AKAP6: variants seen among roughly 807,000 people sequenced by gnomAD.
AKAP6 encodes the protein A-kinase anchor protein 6.
A neutral mutation model predicts 188.5 loss-of-function variants in AKAP6; 58 were observed. That is an observed-to-expected ratio of 0.31 (90% confidence interval 0.25 to 0.38). AKAP6 has a LOEUF of 0.38. AKAP6 is among the 10% of genes least tolerant of loss of function. AKAP6 has a pLI of 1.00. For missense variants in AKAP6, 2,710 were observed against 2,740.0 expected (o/e 0.99, Z 0.24); for synonymous variants, 989 against 998.6 (o/e 0.99, Z 0.18).
chr14:32,803,489 A>T (rs1340391665), intron 12 of AKAP6, among the ~76,000 whole-genome samples: 2 of 152,210 alleles, frequency 1.3e-5, no homozygotes, highest in Non-Finnish European at 2.9e-5. Context: ...CGTTTTATAG[A>T]AGAAAAGTTC....
chr14:32,634,187 C>G (rs531445971), intron 7 of AKAP6, among the ~76,000 whole-genome samples: 1 of 152,088 alleles, frequency 6.6e-6, no homozygotes, highest in African/African-American at 2.4e-5. Flanking sequence ...ACAAGTTACT[C>G]AACCTATCTA....
chr14:32,663,393 A>G (rs1362921095), intron 7 of AKAP6, among the ~76,000 whole-genome samples: 1 of 152,080 alleles, frequency 6.6e-6, no homozygotes, highest in East Asian at 1.9e-4. Flanking sequence ...GCTGTGGGTC[A>G]GGAATCTGTG....
intron 5 of AKAP6, among the ~76,000 whole-genome samples, chr14:32,587,883 C>A (rs1025768123): frequency 6.6e-6 from 1 of 151,902 alleles, no homozygotes; most frequent in East Asian, 1.9e-4. Context: ...AACCAGGTAA[C>A]GTGATATTAT....
intron 4 of AKAP6, among the ~76,000 whole-genome samples, chr14:32,571,805 T>C (rs1400548960): frequency 6.6e-6 from 1 of 152,182 alleles, no homozygotes; most frequent in Non-Finnish European, 1.5e-5. Context: ...TCCTCTGTGA[T>C]TAAACTGAGT....
chr14:32,671,981 G>C (rs576476065), intron 7 of AKAP6, among the ~76,000 whole-genome samples: 2 of 152,180 alleles, frequency 1.3e-5, no homozygotes, highest in South Asian at 2.1e-4. Flanking sequence ...TTAATCCTTC[G>C]AGTTGATTAG....
intron 1 of AKAP6, among the ~76,000 whole-genome samples, chr14:32,379,078 C>T (rs926990320): frequency 6.6e-6 from 1 of 152,006 alleles, no homozygotes; most frequent in Non-Finnish European, 1.5e-5. Flanking sequence ...ACCACCACGC[C>T]TGGCTACTTT....
In AKAP6 at chr14:32,577,099, CCTTTT is replaced by C. The variant is rs763431740; in HGVS notation, c.2347-16_2347-12del. The stretch of plus-strand genomic sequence containing the variant: ...ATGCCTTTCTTGCCCCTTTTTTTCC[CCTTTT>C]CTTTCCTTTCACAAGGGGTTTGTAA... On this transcript the variant is annotated splice_polypyrimidine_tract_variant and intron_variant, in intron 4 of 13. Transcript: ENST00000280979. 3.1e-6 allele frequency: 5 copies of C among 1,588,806 alleles called. No individual in the cohort carries two copies. The highest frequency in any genetic ancestry group is 4.3e-6 in the Non-Finnish European group (5 of 1,173,056).
rs546244635 is a variant in AKAP6, at chr14:32,792,720, G to C, written c.3588+18827G>C. 2.0e-5 allele frequency among the ~76,000 whole-genome samples: 3 copies of C among 152,254 alleles called. No homozygotes were observed. In the East Asian group the frequency reaches 5.8e-4, roughly 29 times the overall value. ...CTGGTTTTCAAAGGGAATGCTTCTA[G>C]CTTTTGCCCATTCAATATGATATTG... On this transcript the variant is annotated intron_variant, in intron 12 of 13. Coordinates refer to ENST00000280979, the MANE Select transcript of AKAP6 (RefSeq NM_004274.5).
intron 9 of AKAP6, among the ~76,000 whole-genome samples, chr14:32,703,778 T>C (rs897122492): frequency 3.3e-5 from 5 of 152,232 alleles, no homozygotes; most frequent in African/African-American, 2.4e-5. Flanking sequence ...AATGCTCCTA[T>C]ATTTACTATC....
At chr14:32,746,487 G>A (rs2031915672) in intron 11 of AKAP6, among the ~76,000 whole-genome samples, 1 of 152,120 alleles carries the variant, frequency 6.6e-6, no homozygotes, top group Non-Finnish European at 1.5e-5. Flanking sequence ...TCCTGGAACG[G>A]GGGCCTTAAA....
intron 7 of AKAP6, among the ~76,000 whole-genome samples, chr14:32,639,821 A>G (rs1235654693): frequency 5.3e-5 from 8 of 152,206 alleles, no homozygotes; most frequent in Non-Finnish European, 1.2e-4. Context: ...CTTCAGGCTG[A>G]AAGAGTATTA....
intron 2 of AKAP6, among the ~76,000 whole-genome samples, chr14:32,457,962 T>C (rs985310652): frequency 2.0e-5 from 3 of 152,226 alleles, no homozygotes; most frequent in African/African-American, 7.2e-5. Flanking sequence ...CATCAGACAT[T>C]CTATGGTACA....
intron 9 of AKAP6, among the ~76,000 whole-genome samples, chr14:32,719,834 A>G (rs955685433): frequency 6.6e-6 from 1 of 152,176 alleles, no homozygotes; most frequent in Non-Finnish European, 1.5e-5. Context: ...AGAGAGATCC[A>G]GTCTATTTTG....
chr14:32,827,243 C>CAGAAAA (rs747441639), intron 13 of AKAP6, among the ~76,000 whole-genome samples: 6 of 151,652 alleles, frequency 4.0e-5, no homozygotes, highest in Admixed American at 6.6e-5. Flanking sequence ...ACTACAAGTT[C>CAGAAAA]AGAAAAAGAA....
chr14:32,352,913 C>A (rs1887338572), intron 1 of AKAP6, among the ~76,000 whole-genome samples: 1 of 152,122 alleles, frequency 6.6e-6, no homozygotes, highest in African/African-American at 2.4e-5. Flanking sequence ...TGGATGAATA[C>A]CCAGTAGTGG....
chr14:32,420,971 CATTG>C (rs1342537857), intron 1 of AKAP6, among the ~76,000 whole-genome samples: 1 of 149,502 alleles, frequency 6.7e-6, no homozygotes. Flanking sequence ...TCTACCCTCT[CATTG>C]ATTATTAGTC....
chr14:32,824,245 G>A lies in AKAP6; in HGVS notation c.6432G>A (p.Ser2144=), dbSNP rs755490841. Residue 2144 remains serine, a synonymous_variant, in exon 13 of 14, where the codon TCG becomes TCA. Coordinates refer to ENST00000280979, the MANE Select transcript of AKAP6 (RefSeq NM_004274.5). ...CATTGCCACTAGACACCACTGACTC[G>A]GGCTTAGATGACAAGGAAGATATTG... is the stretch of plus-strand genomic sequence containing the variant. ...STPLPLDTTD[S]GLDDKEDIEC... is the part of the protein sequence containing the mutation. The A allele has an allele frequency of 5.6e-6, 9 of 1,613,776 alleles. No individual in the cohort carries two copies. Among genetic ancestry groups the A allele is most frequent in the East Asian group, 4.5e-5 (2 of 44,880 alleles).
chr14:32,577,036 A>G (rs1286523943), intron 4 of AKAP6, 84 bp from the exon 5 acceptor site: 1 of 1,486,662 alleles, frequency 6.7e-7, no homozygotes, highest in African/African-American at 1.4e-5. Context: ...AAAATTTGGA[A>G]CTTTTAATAT....
At chr14:32,453,376 C>G (rs10141958) in intron 2 of AKAP6, among the ~76,000 whole-genome samples, 41,619 of 151,910 alleles carry the variant, frequency 0.27, 11,247 homozygotes, top group African/African-American at 0.7. Flanking sequence ...GATATAGTCA[C>G]GAGGTGGCGG....
Sources: allele counts gnomAD v4.1 joint callset (sites outside exome capture counted in the v4.1 genomes callset), GRCh38; gene constraint gnomAD v4.1.1; transcripts MANE v1.5; gene names NCBI Gene and HGNC (gene_info 2026-07-23, HGNC 2026-07-21).